CNTNAP5: variants seen among roughly 807,000 people sequenced by gnomAD.
CNTNAP5 encodes the protein contactin associated protein family member 5.
In CNTNAP5, 72 loss-of-function variants were observed where a neutral mutation model predicts 150.2. The observed-to-expected ratio is 0.48, with a 90% CI of 0.40 to 0.58. The LOEUF (loss-of-function observed/expected upper bound fraction) is 0.58, where lower values mean the gene tolerates loss of function less well. Among genes scored for constraint, CNTNAP5 ranks in the 20% least tolerant of loss-of-function variants. The pLI, the probability that CNTNAP5 is intolerant of heterozygous loss-of-function variation, is 0.00. For synonymous variants in CNTNAP5, 672 were observed against 619.8 expected, an observed-to-expected ratio of 1.08 and a Z score of -1.25; for missense variants, 1,636 against 1,626.2, an observed-to-expected ratio of 1.01 and a Z score of -0.10.
chr2:124,204,698 G>A (rs988726926), intron 1 of CNTNAP5, among the ~76,000 whole-genome samples: 1 of 152,082 alleles, frequency 6.6e-6, no homozygotes, highest in Non-Finnish European at 1.5e-5. Context: ...CATGTGCAGG[G>A]GAATTGCCCT....
chr2:124,060,598 G>T (rs1558741433), intron 1 of CNTNAP5, among the ~76,000 whole-genome samples: 2 of 152,150 alleles, frequency 1.3e-5, no homozygotes, highest in Non-Finnish European at 2.9e-5. Context: ...CTGCCAGTGG[G>T]TATACAAAGA....
At chr2:124,182,202 A>G (rs144076632) in intron 1 of CNTNAP5, among the ~76,000 whole-genome samples, 4 of 152,310 alleles carry the variant, frequency 2.6e-5, no homozygotes, top group African/African-American at 7.2e-5. Flanking sequence ...ACAGAAAACT[A>G]TATATGTGTC....
At chr2:124,270,212 G>A (rs887696812) in intron 3 of CNTNAP5, among the ~76,000 whole-genome samples, 2 of 152,022 alleles carry the variant, frequency 1.3e-5, no homozygotes, top group Non-Finnish European at 2.9e-5. Context: ...AGGAGGCTGA[G>A]ATTGGAGAAT....
intron 3 of CNTNAP5, among the ~76,000 whole-genome samples, chr2:124,362,194 C>A (rs375295020): frequency 6.6e-6 from 1 of 152,214 alleles, no homozygotes; most frequent in Non-Finnish European, 1.5e-5. Flanking sequence ...AACCCGCTGA[C>A]CTGCGCCCAC....
intron 13 of CNTNAP5, among the ~76,000 whole-genome samples, chr2:124,685,551 C>T (rs964581437): frequency 3.3e-5 from 5 of 152,116 alleles, no homozygotes; most frequent in Non-Finnish European, 7.4e-5. Flanking sequence ...TTACTGCCAA[C>T]AAAAGCAGTT....
chr2:124,093,202 G>A (rs2104688141), intron 1 of CNTNAP5, among the ~76,000 whole-genome samples: 1 of 152,282 alleles, frequency 6.6e-6, no homozygotes, highest in African/African-American at 2.4e-5. Context: ...ACCTGTGTTG[G>A]AATCTCATTC....
chr2:124,455,887 G>T (rs141397243), intron 6 of CNTNAP5, among the ~76,000 whole-genome samples: 2 of 152,092 alleles, frequency 1.3e-5, no homozygotes, highest in African/African-American at 4.8e-5. Flanking sequence ...AAAACTCTCG[G>T]CAACATTGGC....
chr2:124,555,523 C>G (rs1027165317), intron 10 of CNTNAP5, among the ~76,000 whole-genome samples: 2 of 152,180 alleles, frequency 1.3e-5, no homozygotes, highest in Non-Finnish European at 2.9e-5. Flanking sequence ...CATTGATGAA[C>G]TCTTACATTT....
chr2:124,725,212 A>T (rs1680131312), intron 13 of CNTNAP5, among the ~76,000 whole-genome samples: 1 of 152,124 alleles, frequency 6.6e-6, no homozygotes, highest in Admixed American at 6.6e-5. Context: ...TGAATTAAAA[A>T]TATTTCCATA....
At chr2:124,383,064 G>A (rs1459866555) in intron 3 of CNTNAP5, among the ~76,000 whole-genome samples, 1 of 152,126 alleles carries the variant, frequency 6.6e-6, no homozygotes, top group Non-Finnish European at 1.5e-5. Flanking sequence ...TACACCTTCA[G>A]TTTCCTCCAG....
chr2:124,443,188 G>A lies in CNTNAP5; in HGVS notation c.734-3565G>A, dbSNP rs187204629. 1.5e-3 allele frequency among the ~76,000 whole-genome samples: 225 copies of A among 150,614 alleles called. 1 individual carries two copies. The highest frequency in any genetic ancestry group is 3.9e-3 in the Admixed American group (58 of 15,064). ...GAAACATCTAAATTTATATCACTAG[G>A]AAGCTCATTAAATGAAATGTGATAT... On this transcript the variant is annotated intron_variant, in intron 5 of 23. Coordinates refer to ENST00000682447, the MANE Select transcript of CNTNAP5 (RefSeq NM_001367498.1).
At chr2:124,219,789 G>T (rs1367787142) in intron 1 of CNTNAP5, among the ~76,000 whole-genome samples, 1 of 151,990 alleles carries the variant, frequency 6.6e-6, no homozygotes. Flanking sequence ...TTAAACAAGT[G>T]CTTTGAGGTA....
chr2:124,061,691 T>C (rs1302402778), intron 1 of CNTNAP5, among the ~76,000 whole-genome samples: 1 of 152,122 alleles, frequency 6.6e-6, no homozygotes, highest in Non-Finnish European at 1.5e-5. Flanking sequence ...AATAGCACAG[T>C]TAAAAAATTA....
intron 3 of CNTNAP5, among the ~76,000 whole-genome samples, chr2:124,368,651 T>G (rs1690437798): frequency 6.6e-6 from 1 of 152,122 alleles, no homozygotes; most frequent in Admixed American, 6.5e-5. Flanking sequence ...TATACTGGTA[T>G]GGAAAACTAT....
chr2:124,719,175 C>T (rs1339162398), intron 13 of CNTNAP5, among the ~76,000 whole-genome samples: 1 of 152,098 alleles, frequency 6.6e-6, no homozygotes. Context: ...TCTTGGGTTT[C>T]ACTCTCTCCA....
rs1691497185 is a variant in CNTNAP5, at chr2:124,403,874, A to G, written c.382-13569A>G. Among the ~76,000 whole-genome samples, 5 of 152,346 alleles carry G rather than the reference A, an allele frequency of 3.3e-5. No individual in the cohort carries two copies. The South Asian group carries it at 1.0e-3, about 32-fold the overall frequency. On this transcript the variant is annotated intron_variant, in intron 3 of 23. Transcript: ENST00000682447. ...GGACCAAACGCACGTCTTACATGGC[A>G]GCAGGTAAGAAAGCATGTGCAGGGG...
chr2:124,558,695 TCA>T (rs1695817182), intron 10 of CNTNAP5, among the ~76,000 whole-genome samples: 1 of 152,220 alleles, frequency 6.6e-6, no homozygotes, highest in African/African-American at 2.4e-5. Flanking sequence ...ACTGCTTTCA[TCA>T]CACTTTTCCC....
chr2:124,187,858 T>C (rs1337805730), intron 1 of CNTNAP5, among the ~76,000 whole-genome samples: 1 of 152,180 alleles, frequency 6.6e-6, no homozygotes, highest in Non-Finnish European at 1.5e-5. Context: ...GAGATAAGGT[T>C]AAATGCAAAT....
intron 2 of CNTNAP5, among the ~76,000 whole-genome samples, chr2:124,225,845 A>G (rs957437314): frequency 3.3e-5 from 5 of 152,128 alleles, no homozygotes; most frequent in Non-Finnish European, 7.3e-5. Context: ...CATTTTTCAG[A>G]TTCCTCATAT....
Sources: allele counts gnomAD v4.1 joint callset (sites outside exome capture counted in the v4.1 genomes callset), GRCh38; gene constraint gnomAD v4.1.1; transcripts MANE v1.5; gene names NCBI Gene and HGNC (gene_info 2026-07-23, HGNC 2026-07-21).